PLCL1: variants seen among roughly 807,000 people sequenced by gnomAD.
The protein encoded by PLCL1 is inactive phospholipase C-like protein 1.
A neutral mutation model predicts 84.4 loss-of-function variants in PLCL1; 41 were observed. The observed-to-expected ratio is 0.49, with a 90% CI of 0.38 to 0.63. The LOEUF (loss-of-function observed/expected upper bound fraction) is 0.63. Ranked by LOEUF, PLCL1 falls within the 30% of genes least tolerant of loss-of-function variation. The pLI is 0.00. For synonymous variants in PLCL1, 490 were observed against 488.3 expected (o/e 1.00, Z -0.05); for missense variants, 1,206 against 1,367.8 (o/e 0.88, Z 1.87).
chr2:198,058,872 T>C (rs1692125586), intron 1 of PLCL1, among the ~76,000 whole-genome samples: 2 of 152,224 alleles, frequency 1.3e-5, no homozygotes, highest in South Asian at 4.1e-4. Context: ...ATTATGCACA[T>C]TAAATACTCA....
intron 1 of PLCL1, among the ~76,000 whole-genome samples, chr2:197,836,752 T>G (rs1261942001): frequency 6.6e-6 from 1 of 152,206 alleles, no homozygotes; most frequent in African/African-American, 2.4e-5. Flanking sequence ...AGAGATGGGT[T>G]CTCTGTTGCT....
intron 5 of PLCL1, among the ~76,000 whole-genome samples, chr2:198,108,849 C>T: frequency 6.6e-6 from 1 of 151,852 alleles, no homozygotes; most frequent in East Asian, 1.9e-4. Flanking sequence ...TGCCATATGT[C>T]TATATCCAAC....
At chr2:198,117,339 T>C (rs1429679713) in intron 5 of PLCL1, among the ~76,000 whole-genome samples, 1 of 8,880 alleles carries the variant, frequency 1.1e-4, no homozygotes, top group African/African-American at 1.3e-4. Context: ...TTTTTTTTTC[T>C]TTTTTTTTTT....
intron 1 of PLCL1, among the ~76,000 whole-genome samples, chr2:197,880,906 C>A (rs1055901093): frequency 5.9e-5 from 9 of 152,142 alleles, no homozygotes; most frequent in Non-Finnish European, 1.3e-4. Flanking sequence ...AAAACCATAC[C>A]TTATGCTGGT....
chr2:198,102,445 G>A (rs1260721138), intron 4 of PLCL1, among the ~76,000 whole-genome samples: 1 of 151,994 alleles, frequency 6.6e-6, no homozygotes, highest in Non-Finnish European at 1.5e-5. Flanking sequence ...TGTGATGTTA[G>A]CACCAGGAAA....
intron 1 of PLCL1, among the ~76,000 whole-genome samples, chr2:198,077,532 G>T (rs1336579605): frequency 6.6e-6 from 1 of 151,856 alleles, no homozygotes; most frequent in Non-Finnish European, 1.5e-5. Context: ...TTTCTTTTAG[G>T]TCTTCTCTCC....
rs540801901 is a variant in PLCL1, at chr2:197,842,860, C to T, written c.240+37521C>T. Among the ~76,000 whole-genome samples the T allele has an allele frequency of 3.9e-5, 6 of 152,280 alleles. No individual in the cohort carries two copies. The South Asian group carries it at 1.2e-3, about 32-fold the overall frequency. ...AGAAAGTTATAAGGTAGAACCTTTT[C>T]ATTTCACATACATGCACAGAGTGAT... On this transcript the variant is annotated intron_variant, in intron 1 of 5. Transcript: ENST00000428675.
chr2:198,042,329 T>G (rs1043099728), intron 1 of PLCL1, among the ~76,000 whole-genome samples: 1 of 152,218 alleles, frequency 6.6e-6, no homozygotes, highest in Admixed American at 6.5e-5. Context: ...CCTCTGTTTA[T>G]GTAAAACAGT....
Position 197,891,041 on chromosome 2 carries a change from T to C in PLCL1, c.240+85702T>C, listed in dbSNP as rs189944948. Among the ~76,000 whole-genome samples the C allele has an allele frequency of 2.7e-4, 39 of 143,934 alleles. 1 individual carries two copies. The highest frequency in any genetic ancestry group is 2.5e-3 in the Admixed American group (36 of 14,268). The allele number at this position is 143,934 out of a possible 152,430, so 94.4% of individuals were successfully genotyped here. A position where few individuals can be genotyped will look rare whatever the true frequency, so the allele number is the denominator to read the frequency against. On this transcript the variant is annotated intron_variant, in intron 1 of 5. Transcript: ENST00000428675. Reference sequence around the variant, plus strand: ...ATAGAGTTTTAGGTTGCTTCAAAAGTTTTTTTTTTTTACTTAGTATAAGTA... The same window carrying C: ...ATAGAGTTTTAGGTTGCTTCAAAAGCTTTTTTTTTTTACTTAGTATAAGTA...
intron 1 of PLCL1, among the ~76,000 whole-genome samples, chr2:197,973,582 T>A (rs570831693): frequency 6.6e-6 from 1 of 152,178 alleles, no homozygotes; most frequent in Non-Finnish European, 1.5e-5. Flanking sequence ...TCACTCTTAG[T>A]GAAAAGAAGA....
intron 1 of PLCL1, among the ~76,000 whole-genome samples, chr2:197,899,369 GT>G (rs1688218236): frequency 6.6e-6 from 1 of 151,816 alleles, no homozygotes; most frequent in African/African-American, 2.4e-5. Flanking sequence ...CCAGAAAATG[GT>G]TTTGTCCATC....
At chr2:197,867,261 C>T (rs909178264) in intron 1 of PLCL1, among the ~76,000 whole-genome samples, 2 of 152,096 alleles carry the variant, frequency 1.3e-5, no homozygotes, top group African/African-American at 2.4e-5. Context: ...TTCTTTCTCC[C>T]TAAATCTTCT....
intron 1 of PLCL1, among the ~76,000 whole-genome samples, chr2:197,832,877 C>G (rs1691098312): frequency 6.6e-6 from 1 of 152,216 alleles, no homozygotes; most frequent in Admixed American, 6.5e-5. Flanking sequence ...TAATCCATCA[C>G]ATAAACAGAA....
intron 1 of PLCL1, among the ~76,000 whole-genome samples, chr2:197,944,725 C>T (rs1689236782): frequency 6.6e-6 from 1 of 152,178 alleles, no homozygotes; most frequent in South Asian, 2.1e-4. Context: ...TTCATTTTAG[C>T]AACTTCCCTT....
intron 1 of PLCL1, among the ~76,000 whole-genome samples, chr2:197,832,165 T>C (rs1391306660): frequency 6.6e-6 from 1 of 151,862 alleles, no homozygotes; most frequent in African/African-American, 2.4e-5. Context: ...AGAGCAGAAC[T>C]GAAGGAGATA....
At chr2:198,023,977 G>T (rs941216000) in intron 1 of PLCL1, among the ~76,000 whole-genome samples, 1 of 152,152 alleles carries the variant, frequency 6.6e-6, no homozygotes, top group Admixed American at 6.5e-5. Context: ...GCTCACAATA[G>T]CAAAGACTTG....
chr2:197,887,607 G>A (rs909087777), intron 1 of PLCL1, among the ~76,000 whole-genome samples: 1 of 151,990 alleles, frequency 6.6e-6, no homozygotes, highest in Non-Finnish European at 1.5e-5. Flanking sequence ...TTGTTGATTT[G>A]TATAAATTTC....
chr2:198,049,665 A>T (rs1338397317), intron 1 of PLCL1, among the ~76,000 whole-genome samples: 1 of 152,200 alleles, frequency 6.6e-6, no homozygotes, highest in African/African-American at 2.4e-5. Context: ...TAGGTCTAGA[A>T]ATCCCCAGCT....
chr2:198,070,880 T>G (rs1471344382), intron 1 of PLCL1: 1 of 152,684 alleles, frequency 6.5e-6, no homozygotes, highest in East Asian at 1.9e-4. Context: ...GCAAATATCT[T>G]TAATATGTTT....
Sources: allele counts gnomAD v4.1 joint callset (sites outside exome capture counted in the v4.1 genomes callset), GRCh38; gene constraint gnomAD v4.1.1; transcripts MANE v1.5; gene names NCBI Gene and HGNC (gene_info 2026-07-23, HGNC 2026-07-21).